The following COL1A1 variants were observed in gnomAD, a reference collection of about 807,000 sequenced individuals.
The protein encoded by COL1A1 is collagen type I alpha 1 chain.
COL1A1 carries 21 observed loss-of-function variants against 195.7 expected under a neutral mutation model. The ratio of observed to expected loss-of-function variants is 0.11; its 90% CI spans 0.08 to 0.15. COL1A1 has a LOEUF of 0.15. COL1A1 is among the 10% of genes least tolerant of loss of function. The probability of loss-of-function intolerance (pLI) is 1.00; values close to 1 mark genes in which losing one functional copy is unlikely to be tolerated. For missense variants in COL1A1, 1,365 were observed against 2,051.0 expected, an observed-to-expected ratio of 0.67 and a Z score of 6.46; for synonymous variants, 749 against 747.3, an observed-to-expected ratio of 1.00 and a Z score of -0.04.
In COL1A1 at chr17:50,190,970, G is replaced by T. The variant is rs567732344; in HGVS notation, c.2236-46C>A. The T allele has an allele frequency of 3.2e-6, 5 of 1,559,064 alleles. No homozygotes were observed. In the South Asian group the frequency reaches 5.6e-5, roughly 17 times the overall value. ...GAGATTTCCAGTGTGGGGCAAGGAGGTGACCTATAGTGTTCTGCTTGTGTC... is the reference window on the plus strand; with the variant it reads ...GAGATTTCCAGTGTGGGGCAAGGAGTTGACCTATAGTGTTCTGCTTGTGTC... On this transcript the variant is annotated intron_variant, in intron 32 of 50. Transcript: ENST00000225964. The surrounding 1 kb of genome is among the most constrained non-coding windows in gnomAD (Gnocchi z 4.7).
chr17:50,199,559 G>A lies in COL1A1; in HGVS notation c.330C>T (p.Val110=), dbSNP rs775895075. The change falls in exon 3 of 51, where the codon GTC becomes GTT. Residue 110 remains valine (V), a synonymous_variant. Transcript: ENST00000225964. Reference sequence around the variant, plus strand: ...AAATTCGAGGGCAGGAGATTACCTCGACGCCGGTGGTTTCTTGGTCGGTGG... The same window carrying A: ...AAATTCGAGGGCAGGAGATTACCTCAACGCCGGTGGTTTCTTGGTCGGTGG... ...ESPTDQETTG[V]EGPKGDTGPR... 1 of 1,614,196 alleles carries A rather than the reference G, an allele frequency of 6.2e-7. No individual in the cohort carries two copies. Among genetic ancestry groups the A allele is most frequent in the Non-Finnish European group, 8.5e-7 (1 of 1,180,010 alleles).
Position 50,201,606 on chromosome 17 carries a change from G to T in COL1A1, c.-93C>A. The T allele has an allele frequency of 8.9e-7, 1 of 1,127,626 alleles. No homozygotes were observed. Among genetic ancestry groups the T allele is most frequent in the Non-Finnish European group, 1.2e-6 (1 of 801,008 alleles). The allele number at this position is 1,127,626 out of a possible 1,614,324, so 69.9% of individuals were successfully genotyped here. ...TCACACTCCGCGTGCCTCCTGCTCC[G>T]ACCCCGAGGAGAAACTCCCGTCTGC... On this transcript the variant is annotated 5_prime_UTR_variant, in exon 1 of 51. Transcript: ENST00000225964.
chr17:50,187,662 C>T lies in COL1A1; in HGVS notation c.3370-125G>A, dbSNP rs979072497. On this transcript the variant is annotated intron_variant, in intron 45 of 50. Coordinates refer to ENST00000225964, the MANE Select transcript of COL1A1 (RefSeq NM_000088.4). ...CCTTCATTATTCTGGAAATCTAGCC[C>T]GAGGGTGTCCATAGGCAGAGACCTC... The T allele has an allele frequency of 4.1e-5, 46 of 1,114,900 alleles. No individual in the cohort carries two copies. In the Middle Eastern group the frequency reaches 6.3e-4, roughly 15 times the overall value. The allele number at this position is 1,114,900 out of a possible 1,614,324, so 69.1% of individuals were successfully genotyped here.
chr17:50,185,572 A>G lies in COL1A1; in HGVS notation c.4325T>C (p.Val1442Ala), dbSNP rs1321766630. 6 of 1,613,398 alleles carry G rather than the reference A, an allele frequency of 3.7e-6. No individual in the cohort carries two copies. In the Admixed American group the frequency reaches 1.0e-4, roughly 27 times the overall value. ...TGGGGCACCAACGTCCAAGGGGGCCACATCGATGATGGGCAGGCGGGAGGT... is the reference window on the plus strand; with the variant it reads ...TGGGGCACCAACGTCCAAGGGGGCCGCATCGATGATGGGCAGGCGGGAGGT... ...TKTSRLPIIDVAPLDVGAPDQ... is the reference protein window; with the variant it reads ...TKTSRLPIIDAAPLDVGAPDQ... The change falls in exon 51 of 51, where the codon GTG becomes GCG. Residue 1442 changes from valine to alanine, a missense_variant. By Grantham distance (64) the Val-to-Ala change is moderately conservative (BLOSUM62 0). Coordinates refer to ENST00000225964, the MANE Select transcript of COL1A1 (RefSeq NM_000088.4).
In COL1A1 at chr17:50,185,401, T is replaced by G; in HGVS notation, c.*101A>C. ...AAGTCCATGTGAAATTGTCTCCCAT[T>G]TTTTGGCTTTTGAGGGGGTTCAGTT... On this transcript the variant is annotated 3_prime_UTR_variant, in exon 51 of 51. Coordinates refer to ENST00000225964, the MANE Select transcript of COL1A1 (RefSeq NM_000088.4). 2 of 1,320,586 alleles carry G rather than the reference T, an allele frequency of 1.5e-6. No homozygotes were observed. Among genetic ancestry groups the G allele is most frequent in the Non-Finnish European group, 2.2e-6 (2 of 917,616 alleles). The allele number at this position is 1,320,586 out of a possible 1,614,324, so 81.8% of individuals were successfully genotyped here.
chr17:50,194,295 C>T lies in COL1A1; in HGVS notation c.1614+54G>A. 1.9e-6 allele frequency: 3 copies of T among 1,605,036 alleles called. No homozygotes were observed. Among genetic ancestry groups the T allele is most frequent in the Non-Finnish European group, 2.6e-6 (3 of 1,172,194 alleles). On this transcript the variant is annotated intron_variant, in intron 23 of 50. Transcript: ENST00000225964. The surrounding 1 kb of genome is among the most constrained non-coding windows in gnomAD (Gnocchi z 6.8). Reference sequence around the variant, plus strand: ...GATCCAGAACGCCTCATCCCAGACCCTACACGGGATGGTCAGGGCCTGGCC... The same window carrying T: ...GATCCAGAACGCCTCATCCCAGACCTTACACGGGATGGTCAGGGCCTGGCC...
Position 50,198,209 on chromosome 17 carries a change from T to C in COL1A1, c.544-4A>G, listed in dbSNP as rs369898579. The C allele has an allele frequency of 8.7e-6, 14 of 1,613,752 alleles. No individual in the cohort carries two copies. In the Admixed American group the frequency reaches 1.0e-4, roughly 12 times the overall value. On this transcript the variant is annotated splice_polypyrimidine_tract_variant and splice_region_variant and intron_variant, in intron 6 of 50. Transcript: ENST00000225964. Reference sequence around the variant, plus strand: ...GACCACGAGGACCAGAGGGACCCTATAGAGGGAGAAGAAAGGGGGGTCATG... The same window carrying C: ...GACCACGAGGACCAGAGGGACCCTACAGAGGGAGAAGAAAGGGGGGTCATG...
chr17:50,196,015 T>G (rs372017541), intron 15 of COL1A1, 39 bp from the exon 16 acceptor site: 2 of 1,599,250 alleles, frequency 1.3e-6, no homozygotes, highest in South Asian at 2.2e-5. Flanking sequence ...AAGGAAGAGA[T>G]GGCAGCTGCA....
At position 50,189,433 on chromosome 17, in the gene COL1A1, G is replaced by C. The variant is rs772929903; in HGVS notation, c.2773C>G (p.Pro925Ala). Residue 925 changes from proline to alanine, a missense_variant, in exon 39 of 51, where the codon CCT becomes GCT. Physicochemically the swap from Pro to Ala is conservative, Grantham distance 27. This residue lies in a region of COL1A1 where 671 missense variants were observed against 1,099.9 expected (regional missense o/e 0.61). Transcript: ENST00000225964. The surrounding 1 kb of genome is among the most constrained non-coding windows in gnomAD (Gnocchi z 5.5). ...PAGRPGEVGPPGPPGPAGEKG... is the reference protein window; with the variant it reads ...PAGRPGEVGPAGPPGPAGEKG... ...TCGCCAGCAGGGCCAGGGGGACCAG[G>C]GGGACCAACTTCACCAGGACGTCCA... The C allele has an allele frequency of 5.0e-5, 80 of 1,612,828 alleles. No homozygotes were observed. Among genetic ancestry groups the C allele is most frequent in the Non-Finnish European group, 6.4e-5 (76 of 1,179,676 alleles).
chr17:50,196,072 A>T, intron 15 of COL1A1, 83 bp downstream of exon 15: 1 of 1,605,956 alleles, frequency 6.2e-7, no homozygotes, highest in Non-Finnish European at 8.5e-7. Context: ...GACCAACATA[A>T]CCTGCTCCCA....
chr17:50,188,098 C>A lies in COL1A1; in HGVS notation c.3259G>T (p.Ala1087Ser). The change falls in exon 44 of 51, where the codon GCC becomes TCC. Residue 1087 changes from alanine to serine, a missense_variant and splice_region_variant. Physicochemically the swap from Ala to Ser is moderately conservative, Grantham distance 99 (BLOSUM62 1). This residue lies in a region of COL1A1 where 671 missense variants were observed against 1,099.9 expected (regional missense o/e 0.61). Transcript: ENST00000225964. This position sits in a 1 kb window ranked among gnomAD's most constrained non-coding sequence, Gnocchi z 5.6. ...GGGGGACACAGCAGGGTACTTACGG[C>A]GGGGCCACGGGCGCCAACAGGGCCG... is the stretch of plus-strand genomic sequence containing the variant. Reference protein sequence around the residue: ...PVGPVGARGPAGPQGPRGDKG... With the variant: ...PVGPVGARGPSGPQGPRGDKG... 6.3e-7 allele frequency: 1 copy of A among 1,596,392 alleles called. No homozygotes were observed. Among genetic ancestry groups the A allele is most frequent in the Non-Finnish European group, 8.5e-7 (1 of 1,170,412 alleles).
In COL1A1 at chr17:50,194,349, C is replaced by A; in HGVS notation, c.1614G>T (p.Lys538Asn). Residue 538 changes from lysine (K) to asparagine (N), a missense_variant and splice_region_variant, in exon 23 of 51, where the codon AAG becomes AAT. Coordinates refer to ENST00000225964, the MANE Select transcript of COL1A1 (RefSeq NM_000088.4). This position sits in a 1 kb window ranked among gnomAD's most constrained non-coding sequence, Gnocchi z 6.8. Reference protein sequence around the residue: ...RPGEAGLPGAKGLTGSPGSPG... With the variant: ...RPGEAGLPGANGLTGSPGSPG... ...CCAGGCTGAAAGCCTGGGGCCTCACCTTGGCACCAGGCAGACCAGCTTCAC... is the reference window on the plus strand; with the variant it reads ...CCAGGCTGAAAGCCTGGGGCCTCACATTGGCACCAGGCAGACCAGCTTCAC... The A allele has an allele frequency of 6.2e-7, 1 of 1,614,094 alleles. No homozygotes were observed. The highest frequency in any genetic ancestry group is 1.1e-5 in the South Asian group (1 of 91,088).
rs886053149 is a variant in COL1A1, at chr17:50,184,879, C to T, written c.*623G>A. The T allele has an allele frequency of 4.3e-6, 1 of 230,076 alleles. No homozygotes were observed. The allele number at this position is 230,076 out of a possible 1,614,324, so 14.3% of individuals were successfully genotyped here. On this transcript the variant is annotated 3_prime_UTR_variant, in exon 51 of 51. Coordinates refer to ENST00000225964, the MANE Select transcript of COL1A1 (RefSeq NM_000088.4). ...GGGGCTGGTGGCTCCCCCGGCATGACCCCCTCAAAAACGAAGGGGAGATGT... is the reference window on the plus strand; with the variant it reads ...GGGGCTGGTGGCTCCCCCGGCATGATCCCCTCAAAAACGAAGGGGAGATGT...
chr17:50,195,027 A>G lies in COL1A1; in HGVS notation c.1353+20T>C. On this transcript the variant is annotated intron_variant, in intron 20 of 50. Coordinates refer to ENST00000225964, the MANE Select transcript of COL1A1 (RefSeq NM_000088.4). The surrounding 1 kb of genome is among the most constrained non-coding windows in gnomAD (Gnocchi z 4.3). The stretch of plus-strand genomic sequence containing the variant: ...GGGCAGGGTGGGCTGGGCTGCAAGA[A>G]GGATGGCGGGGAGACTTACAGGCTC... 1.2e-6 allele frequency: 2 copies of G among 1,613,080 alleles called. No homozygotes were observed. Among genetic ancestry groups the G allele is most frequent in the African/African-American group, 2.7e-5 (2 of 75,020 alleles).
At chr17:50,200,214 A>C in intron 1 of COL1A1, 3 of 496,548 alleles carry the variant, frequency 6.0e-6, no homozygotes, top group Non-Finnish European at 1.1e-5. Context: ...CTCCAACCTC[A>C]GCCCATTGGC....
intron 9 of COL1A1, 42 bp downstream of exon 9, chr17:50,197,690 G>A (rs745737973): frequency 6.8e-7 from 1 of 1,470,308 alleles, no homozygotes; most frequent in South Asian, 1.3e-5. Flanking sequence ...AACCCATGGA[G>A]GCCATGGGGT....
At chr17:50,199,694 C>A in intron 2 of COL1A1, 59 bp downstream of exon 2, 1 of 1,562,466 alleles carries the variant, frequency 6.4e-7, no homozygotes, top group African/African-American at 1.8e-5. Flanking sequence ...CCACCCCCAG[C>A]CCCAGCCCCA....
chr17:50,189,910 A>G lies in COL1A1; in HGVS notation c.2562T>C (p.Gly854=), dbSNP rs763214118. 3 of 1,611,480 alleles carry G rather than the reference A, an allele frequency of 1.9e-6. No individual in the cohort carries two copies. The Admixed American group carries it at 5.0e-5, about 27-fold the overall frequency. ...AGPAGPPGPI[G]NVGAPGAKGA... ...CTTTGGCTCCAGGAGCACCAACATT[A>G]CCCTGTAGGAGAGCACAGAGGCATC... The change falls in exon 37 of 51, where the codon GGT becomes GGC. Residue 854 remains glycine (G), a splice_region_variant and synonymous_variant. Coordinates refer to ENST00000225964, the MANE Select transcript of COL1A1 (RefSeq NM_000088.4). This position sits in a 1 kb window ranked among gnomAD's most constrained non-coding sequence, Gnocchi z 5.5.
In COL1A1 at chr17:50,190,041, G is replaced by C; in HGVS notation, c.2519C>G (p.Pro840Arg). The change falls in exon 36 of 51, where the codon CCC (proline) becomes CGC (arginine). Residue 840 changes from proline (P) to arginine (R), a missense_variant. Pro to Arg is a moderately radical substitution (Grantham distance 103). Transcript: ENST00000225964. This position sits in a 1 kb window ranked among gnomAD's most constrained non-coding sequence, Gnocchi z 4.7. Reference protein sequence around the residue: ...GDAGAKGDAGPPGPAGPAGPP... With the variant: ...GDAGAKGDAGRPGPAGPAGPP... Reference sequence around the variant, plus strand: ...TCCAGCGGGTCCGGCAGGGCCAGGGGGACCAGCATCGCCTTTAGCACCAGC... The same window carrying C: ...TCCAGCGGGTCCGGCAGGGCCAGGGCGACCAGCATCGCCTTTAGCACCAGC... The C allele has an allele frequency of 6.2e-7, 1 of 1,613,816 alleles. No homozygotes were observed. Among genetic ancestry groups the C allele is most frequent in the Non-Finnish European group, 8.5e-7 (1 of 1,179,954 alleles).
Sources: gnomAD v4.1 joint callset for allele counts on GRCh38, gnomAD v4.1.1 for gene constraint, gnomAD v4.1.1 regional missense constraint, Gnocchi (gnomAD v3.1) non-coding constraint, MANE v1.5 for transcripts, NCBI Gene and HGNC (gene_info 2026-07-23, HGNC 2026-07-21) for gene names.